MYO1B: variants seen among roughly 807,000 people sequenced by gnomAD.
The protein encoded by MYO1B is myosin IB, also known as unconventional myosin-Ib.
A neutral mutation model predicts 159.7 loss-of-function variants in MYO1B; 72 were observed. The ratio of observed to expected loss-of-function variants is 0.45; its 90% confidence interval spans 0.37 to 0.55. The LOEUF (loss-of-function observed/expected upper bound fraction) is 0.55. Among genes scored for constraint, MYO1B ranks in the 20% least tolerant of loss-of-function variants. MYO1B has a pLI of 0.00. For missense variants in MYO1B, 1,062 were observed against 1,364.8 expected (o/e 0.78, Z 3.50); for synonymous variants, 468 against 473.8 (o/e 0.99, Z 0.16).
rs561052744 is a variant in MYO1B at position 191,404,642 on chromosome 2, G to A, written c.2556+1924G>A. ...CAGTTCCAGATCTCTGCAATAAAGT[G>A]AATATCACAATAAAGTGAATCACAC... On this transcript the variant is annotated intron_variant, in intron 24 of 30. Transcript: ENST00000392318. 2.0e-3 allele frequency among the ~76,000 whole-genome samples: 297 copies of A among 152,254 alleles called. 7 individuals are homozygous for A. The highest frequency in any genetic ancestry group is 0.016 in the South Asian group (79 of 4,814).
chr2:191,408,901 C>A, intron 25 of MYO1B, 143 bp from the exon 26 acceptor site: 1 of 843,386 alleles, frequency 1.2e-6, no homozygotes, highest in Non-Finnish European at 1.8e-6. Flanking sequence ...GGAGTAGAGA[C>A]TTCCCAGATG....
chr2:191,424,867 A>G lies in MYO1B; in HGVS notation c.*907A>G, dbSNP rs1322332316. 6.6e-6 allele frequency: 1 copy of G among 152,642 alleles called. No homozygotes were observed. Among genetic ancestry groups the G allele is most frequent in the Non-Finnish European group, 1.5e-5 (1 of 68,014 alleles). The allele number at this position is 152,642 out of a possible 1,614,324, so 9.5% of individuals were successfully genotyped here. On this transcript the variant is annotated 3_prime_UTR_variant, in exon 31 of 31. Coordinates refer to ENST00000392318, the MANE Select transcript of MYO1B (RefSeq NM_001130158.3). The stretch of plus-strand genomic sequence containing the variant: ...AAGTAAAGGGCTAAAAGCCATTCAG[A>G]TAGCAGTAAAACATTCTGTATGATG...
chr2:191,281,860 G>C (rs1274020992), intron 2 of MYO1B, among the ~76,000 whole-genome samples: 1 of 152,152 alleles, frequency 6.6e-6, no homozygotes, highest in African/African-American at 2.4e-5. Flanking sequence ...AGATATAGGG[G>C]CCTGAGTTAG....
At position 191,346,743 on chromosome 2, in the gene MYO1B, A is replaced by T. The variant is rs111267310; in HGVS notation, c.498+461A>T. On this transcript the variant is annotated intron_variant, in intron 6 of 30. Transcript: ENST00000392318. ...CATAGGCTTGGCAACAAAAGCAAGC[A>T]TGTGGGGTGAGCGTGGGGCTGTAGA... Among the ~76,000 whole-genome samples the T allele has an allele frequency of 6.9e-3, 1,050 of 152,328 alleles. 9 individuals are homozygous for T. The highest frequency in any genetic ancestry group is 0.024 in the African/African-American group (995 of 41,586).
chr2:191,330,291 A>T (rs1691386350), intron 4 of MYO1B, among the ~76,000 whole-genome samples: 1 of 152,170 alleles, frequency 6.6e-6, no homozygotes, highest in Admixed American at 6.5e-5. Context: ...ATGGTGCAAG[A>T]TCTTTTTACT....
In MYO1B at chr2:191,253,526, C is replaced by T. The variant is rs115835278; in HGVS notation, c.-10+7900C>T. Among the ~76,000 whole-genome samples the T allele has an allele frequency of 1.2e-3, 182 of 151,862 alleles. 2 individuals carry two copies. Among genetic ancestry groups the T allele is most frequent in the African/African-American group, 3.5e-3 (147 of 41,448 alleles). ...TGCCTGTCTTCTCTGTCAGTTTTCCCAGACTCAGGTTGCGCTTGTTCTTCT... is the reference window on the plus strand; with the variant it reads ...TGCCTGTCTTCTCTGTCAGTTTTCCTAGACTCAGGTTGCGCTTGTTCTTCT... On this transcript the variant is annotated intron_variant, in intron 1 of 30. Transcript: ENST00000392318.
chr2:191,395,186 A>G (rs1568219), intron 20 of MYO1B, among the ~76,000 whole-genome samples: 138,679 of 152,234 alleles, frequency 0.91, 63,875 homozygotes, highest in East Asian at 1. Flanking sequence ...GCGTGTCAGA[A>G]TGATGGTCAG....
chr2:191,423,343 C>T (rs907393831), intron 30 of MYO1B, among the ~76,000 whole-genome samples: 9 of 152,132 alleles, frequency 5.9e-5, no homozygotes, highest in Non-Finnish European at 1.2e-4. Context: ...AGTAAAAATA[C>T]AGTATAAAAG....
At chr2:191,274,505 A>C (rs1687636142) in intron 1 of MYO1B, among the ~76,000 whole-genome samples, 1 of 152,144 alleles carries the variant, frequency 6.6e-6, no homozygotes, top group Non-Finnish European at 1.5e-5. Flanking sequence ...GCTTAATTTA[A>C]ATTGCTGGTT....
intron 14 of MYO1B, among the ~76,000 whole-genome samples, chr2:191,381,956 G>T (rs576957327): frequency 6.6e-6 from 1 of 152,258 alleles, no homozygotes; most frequent in African/African-American, 2.4e-5. Flanking sequence ...CAAATTTATA[G>T]TAAAAATAGG....
chr2:191,423,103 C>T (rs1360318373), intron 30 of MYO1B, among the ~76,000 whole-genome samples: 1 of 152,152 alleles, frequency 6.6e-6, no homozygotes, highest in Non-Finnish European at 1.5e-5. Context: ...TTTTGGAATA[C>T]AGTCATGTGT....
intron 2 of MYO1B, among the ~76,000 whole-genome samples, 161 bp downstream of exon 2, chr2:191,277,191 C>A (rs930305023): frequency 6.6e-6 from 1 of 152,034 alleles, no homozygotes; most frequent in Non-Finnish European, 1.5e-5. Context: ...CTGATTTAGC[C>A]CATGAGTAAT....
In MYO1B at chr2:191,418,482, A is replaced by ATTTTTTTTTTTTT. The variant is rs1159016855; in HGVS notation, c.3287+2252_3287+2264dup. Among the ~76,000 whole-genome samples, 6 of 81,066 alleles carry ATTTTTTTTTTTTT rather than the reference A, an allele frequency of 7.4e-5. 1 individual carries two copies. The highest frequency in any genetic ancestry group is 1.3e-4 in the Non-Finnish European group (6 of 45,764). The allele number at this position is 81,066 out of a possible 152,430, so 53.2% of individuals were successfully genotyped here. ...CAAAGTCCTGTTTACTCTTTAGTGG[A>ATTTTTTTTTTTTT]TTTTTTTTTTTTTTTTTTTTTTTTG... On this transcript the variant is annotated intron_variant, in intron 30 of 30. Transcript: ENST00000392318.
At chr2:191,322,372 A>G (rs1690778410) in intron 3 of MYO1B, among the ~76,000 whole-genome samples, 1 of 152,104 alleles carries the variant, frequency 6.6e-6, no homozygotes, top group South Asian at 2.1e-4. Flanking sequence ...TAAATCCCTT[A>G]TCTGCTTCCT....
intron 19 of MYO1B, among the ~76,000 whole-genome samples, chr2:191,392,610 A>T (rs1047520120): frequency 1.3e-5 from 2 of 152,210 alleles, no homozygotes; most frequent in African/African-American, 4.8e-5. Context: ...TAAAAAAAAT[A>T]CTTTTAGCAT....
At chr2:191,409,278 C>T in intron 26 of MYO1B, 100 bp downstream of exon 26, 1 of 1,309,306 alleles carries the variant, frequency 7.6e-7, no homozygotes, top group Non-Finnish European at 1.1e-6. Context: ...CTTCCTTTGC[C>T]TCAAAGAGGA....
At chr2:191,405,550 A>C (rs974177126) in intron 24 of MYO1B, among the ~76,000 whole-genome samples, 1 of 152,246 alleles carries the variant, frequency 6.6e-6, no homozygotes, top group Non-Finnish European at 1.5e-5. Flanking sequence ...TTCTTAAATC[A>C]TAAGACTGGG....
chr2:191,383,426 G>T (rs1163828177), intron 15 of MYO1B, 84 bp downstream of exon 15: 6 of 321,110 alleles, frequency 1.9e-5, no homozygotes, highest in Admixed American at 1.2e-4. Context: ...TCAATGTTAA[G>T]CATTAGTATT....
chr2:191,258,920 C>T (rs1686628283), intron 1 of MYO1B, among the ~76,000 whole-genome samples: 1 of 152,148 alleles, frequency 6.6e-6, no homozygotes, highest in South Asian at 2.1e-4. Context: ...TTGAAGTGAC[C>T]TTTTTGTGTC....
Sources: gnomAD v4.1 joint callset for allele counts (sites outside exome capture counted in the v4.1 genomes callset) on GRCh38, gnomAD v4.1.1 for gene constraint, MANE v1.5 for transcripts, NCBI Gene and HGNC (gene_info 2026-07-23, HGNC 2026-07-21) for gene names.